SPAG17: variants seen among roughly 807,000 people sequenced by gnomAD.
The protein encoded by SPAG17 is sperm associated antigen 17, also known as sperm-associated antigen 17.
SPAG17 carries 169 observed loss-of-function variants against 273.6 expected under a neutral mutation model. The ratio of observed to expected loss-of-function variants is 0.62; its 90% CI spans 0.55 to 0.70. SPAG17 has a LOEUF of 0.70. Ranked by LOEUF, SPAG17 falls within the 30% of genes least tolerant of loss-of-function variation. The probability of loss-of-function intolerance (pLI) is 0.00; values close to 1 mark genes in which losing one functional copy is unlikely to be tolerated. For synonymous variants in SPAG17, 825 were observed against 873.2 expected (o/e 0.94, Z 0.97); for missense variants, 2,557 against 2,627.8 (o/e 0.97, Z 0.59).
rs758408220 is a variant in SPAG17 at position 118,054,067 on chromosome 1, T to A, written c.2749A>T (p.Ile917Leu). The A allele has an allele frequency of 5.0e-6, 8 of 1,606,406 alleles. No individual in the cohort carries two copies. The Admixed American group carries it at 5.0e-5, about 10-fold the overall frequency. ...TCTTTTTCTTTTTCTTGATCTGATATCTCTGTTTTGCTGATTCCTTTGTTA... is the reference window on the plus strand; with the variant it reads ...TCTTTTTCTTTTTCTTGATCTGATAACTCTGTTTTGCTGATTCCTTTGTTA... ...KSNKGISKTEISDQEKEKEKE... is the reference protein window; with the variant it reads ...KSNKGISKTELSDQEKEKEKE... Residue 917 changes from isoleucine to leucine, a missense_variant, in exon 20 of 49, where the codon ATA (isoleucine) becomes TTA (leucine). Ile to Leu is a conservative substitution (Grantham distance 5). Transcript: ENST00000336338.
intron 30 of SPAG17, among the ~76,000 whole-genome samples, 169 bp from the exon 31 acceptor site, chr1:118,008,367 C>A (rs1378667170): frequency 3.3e-5 from 5 of 151,934 alleles, no homozygotes; most frequent in African/African-American, 4.8e-5. Context: ...TGGAGTGTGG[C>A]CTGCTGTTCT....
At chr1:118,137,697 G>T (rs926610257) in intron 3 of SPAG17, among the ~76,000 whole-genome samples, 7 of 152,142 alleles carry the variant, frequency 4.6e-5, no homozygotes, top group Non-Finnish European at 8.8e-5. Flanking sequence ...GGCCAATCAT[G>T]TTTGTGAAAT....
intron 44 of SPAG17, among the ~76,000 whole-genome samples, chr1:117,972,731 T>C (rs1052709399): frequency 2.6e-5 from 4 of 152,098 alleles, no homozygotes; most frequent in African/African-American, 9.7e-5. Context: ...TATATGTATA[T>C]TACAATAAAT....
At chr1:118,043,910 TA>T (rs1277875743) in intron 20 of SPAG17, among the ~76,000 whole-genome samples, 1 of 152,188 alleles carries the variant, frequency 6.6e-6, no homozygotes, top group East Asian at 1.9e-4. Context: ...TTAACATAAA[TA>T]AAAATATCAA....
chr1:118,009,119 T>C (rs539328556), intron 30 of SPAG17, among the ~76,000 whole-genome samples: 12 of 152,150 alleles, frequency 7.9e-5, no homozygotes, highest in African/African-American at 2.2e-4. Context: ...TCAAAGCATA[T>C]AAAGTTACAA....
chr1:118,041,643 G>A (rs1467161770), intron 21 of SPAG17, among the ~76,000 whole-genome samples, 160 bp downstream of exon 21: 2 of 152,078 alleles, frequency 1.3e-5, no homozygotes, highest in Non-Finnish European at 2.9e-5. Flanking sequence ...CAAGGTTCTA[G>A]GTATCAGGGG....
intron 25 of SPAG17, among the ~76,000 whole-genome samples, chr1:118,030,354 A>G (rs965488853): frequency 4.6e-5 from 7 of 151,682 alleles, no homozygotes; most frequent in Non-Finnish European, 7.4e-5. Flanking sequence ...GTAAGTACCA[A>G]TAGTCAAGAC....
At chr1:118,129,015 C>T (rs2102292419) in intron 3 of SPAG17, among the ~76,000 whole-genome samples, 1 of 152,292 alleles carries the variant, frequency 6.6e-6, no homozygotes, top group Non-Finnish European at 1.5e-5. Context: ...ATCTGGTTTC[C>T]TTGGTCATGA....
Position 118,040,690 on chromosome 1 carries a change from T to C in SPAG17, c.3166+40A>G. 5 of 1,337,500 alleles carry C rather than the reference T, an allele frequency of 3.7e-6. No homozygotes were observed. The African/African-American group carries it at 5.7e-5, about 15-fold the overall frequency. 82.9% of individuals were successfully genotyped at this position (1,337,500 alleles called of 1,614,324 possible). A position where few individuals can be genotyped will look rare whatever the true frequency, so the allele number is the denominator to read the frequency against. On this transcript the variant is annotated intron_variant, in intron 22 of 48. Coordinates refer to ENST00000336338, the MANE Select transcript of SPAG17 (RefSeq NM_206996.4). ...GCCCCTGGTTATCTGAAATGCATTA[T>C]TATGTTTCCAATCATTAACCAGTTG...
chr1:118,028,098 A>G lies in SPAG17; in HGVS notation c.3730+176T>C, dbSNP rs190938582. Reference sequence around the variant, plus strand: ...AGATCACAGTATTTGTATTTTTGACATATATACTAAGTACTTAGACAGTGC... The same window carrying G: ...AGATCACAGTATTTGTATTTTTGACGTATATACTAAGTACTTAGACAGTGC... On this transcript the variant is annotated intron_variant, in intron 26 of 48. Coordinates refer to ENST00000336338, the MANE Select transcript of SPAG17 (RefSeq NM_206996.4). Among the ~76,000 whole-genome samples, 154 of 152,324 alleles carry G rather than the reference A, an allele frequency of 1.0e-3. 2 individuals carry two copies. The highest frequency in any genetic ancestry group is 2.5e-4 in the Non-Finnish European group (17 of 68,020).
chr1:118,008,925 G>A (rs892441587), intron 30 of SPAG17, among the ~76,000 whole-genome samples: 1 of 151,882 alleles, frequency 6.6e-6, no homozygotes, highest in African/African-American at 2.4e-5. Context: ...TTTCTATTCT[G>A]CCACTGATGG....
chr1:118,147,701 T>C (rs1659100979), intron 3 of SPAG17, among the ~76,000 whole-genome samples: 1 of 152,232 alleles, frequency 6.6e-6, no homozygotes, highest in Admixed American at 6.5e-5. Context: ...CAGGGGAAAT[T>C]ACACAATCTC....
intron 1 of SPAG17, among the ~76,000 whole-genome samples, chr1:118,173,803 T>C (rs1266099161): frequency 2.0e-5 from 3 of 146,436 alleles, no homozygotes; most frequent in African/African-American, 7.7e-5. Context: ...AAGGCTGCAG[T>C]GAGCCAACAC....
At chr1:117,971,452 C>A (rs528185884) in intron 45 of SPAG17, among the ~76,000 whole-genome samples, 8 of 152,298 alleles carry the variant, frequency 5.3e-5, no homozygotes, top group African/African-American at 1.7e-4. Context: ...ATTAAAAGCA[C>A]CTTTCAGATC....
intron 1 of SPAG17, among the ~76,000 whole-genome samples, chr1:118,173,244 T>G (rs1050117173): frequency 6.6e-6 from 1 of 151,918 alleles, no homozygotes; most frequent in East Asian, 1.9e-4. Context: ...CAGTAGAAAA[T>G]TTTGTGGCAC....
intron 17 of SPAG17, among the ~76,000 whole-genome samples, chr1:118,071,345 T>C (rs1292376271): frequency 1.3e-5 from 2 of 152,134 alleles, no homozygotes; most frequent in Non-Finnish European, 2.9e-5. Flanking sequence ...AATATCCTCA[T>C]AGAGATAAGA....
intron 32 of SPAG17, among the ~76,000 whole-genome samples, chr1:118,002,012 G>T (rs531572491): frequency 1.9e-3 from 296 of 152,222 alleles, no homozygotes; most frequent in African/African-American, 6.9e-3. Flanking sequence ...CAGAGATTCT[G>T]GTATGTTGTG....
intron 32 of SPAG17, among the ~76,000 whole-genome samples, chr1:118,000,075 AG>A (rs770886211): frequency 4.5e-4 from 68 of 152,328 alleles, no homozygotes; most frequent in Non-Finnish European, 9.0e-4. Flanking sequence ...ATTATTAAAC[AG>A]GGAATCCTTT....
intron 7 of SPAG17, among the ~76,000 whole-genome samples, chr1:118,097,290 TA>T (rs1655774899): frequency 6.6e-6 from 1 of 151,474 alleles, no homozygotes; most frequent in Non-Finnish European, 1.5e-5. Context: ...AACTGAAACA[TA>T]AAAAGTCAGA....
Sources: allele counts gnomAD v4.1 joint callset (sites outside exome capture counted in the v4.1 genomes callset), GRCh38; gene constraint gnomAD v4.1.1; transcripts MANE v1.5; gene names NCBI Gene and HGNC (gene_info 2026-07-23, HGNC 2026-07-21).